TENM3: variants seen among roughly 807,000 people sequenced by gnomAD.
TENM3 encodes teneurin-3.
In TENM3, 63 loss-of-function variants were observed where a neutral mutation model predicts 255.1. The ratio of observed to expected loss-of-function variants is 0.25; its 90% CI spans 0.20 to 0.30. TENM3 has a LOEUF of 0.30. Ranked by LOEUF, TENM3 falls within the 10% of genes least tolerant of loss-of-function variation. The pLI is 1.00. For missense variants in TENM3, 2,929 were observed against 3,461.1 expected, an observed-to-expected ratio of 0.85 and a Z score of 3.86; for synonymous variants, 1,306 against 1,322.3, an observed-to-expected ratio of 0.99 and a Z score of 0.27.
At chr4:181,766,074 G>A in the TENM3 span, among the ~76,000 whole-genome samples, 5 of 152,246 alleles carry the variant, frequency 3.3e-5, no homozygotes, top group Admixed American at 6.5e-5. Context: ...CGTGTGAACT[G>A]AGGCTCTGAA....
the TENM3 span, among the ~76,000 whole-genome samples, chr4:181,485,899 C>A: frequency 1.3e-5 from 2 of 151,954 alleles, no homozygotes. Context: ...ATGTTAAATG[C>A]AAAGATTTCT....
At chr4:182,126,501 T>C in the TENM3 span, among the ~76,000 whole-genome samples, 1 of 152,284 alleles carries the variant, frequency 6.6e-6, no homozygotes, top group African/African-American at 2.4e-5. Flanking sequence ...TTTAGACAGT[T>C]GGATTCAGAT....
At chr4:182,395,687 G>A (rs1768758496) in intron 3 of TENM3, among the ~76,000 whole-genome samples, 1 of 152,122 alleles carries the variant, frequency 6.6e-6, no homozygotes. Context: ...AAAATAAAAT[G>A]TTTTATTTAT....
intron 3 of TENM3, among the ~76,000 whole-genome samples, chr4:182,364,200 T>A (rs1766236297): frequency 6.6e-6 from 1 of 152,032 alleles, no homozygotes; most frequent in Non-Finnish European, 1.5e-5. Flanking sequence ...TGAGATCAAA[T>A]GAACTTAAGA....
the TENM3 span, among the ~76,000 whole-genome samples, chr4:181,570,380 C>T: frequency 1.3e-5 from 2 of 151,878 alleles, no homozygotes; most frequent in South Asian, 2.1e-4. Flanking sequence ...GCATGCTTGT[C>T]GTTCCAGCTG....
In TENM3 at chr4:182,673,247, A is replaced by G. The variant is rs185033209; in HGVS notation, c.1326+28A>G. 1,125 of 1,472,714 alleles carry G rather than the reference A, an allele frequency of 7.6e-4. 5 individuals are homozygous for G. The African/African-American group carries it at 0.014, about 18-fold the overall frequency. The allele number at this position is 1,472,714 out of a possible 1,614,324, so 91.2% of individuals were successfully genotyped here. On this transcript the variant is annotated intron_variant, in intron 7 of 27. Transcript: ENST00000511685. ...AAGACTAGGCTTTCTTATCAATAAA[A>G]TAAAAACTGCCAGTTGCATTTTTTG...
chr4:182,372,929 G>A (rs548320542), intron 3 of TENM3, among the ~76,000 whole-genome samples: 1 of 151,922 alleles, frequency 6.6e-6, no homozygotes, highest in Non-Finnish European at 1.5e-5. Context: ...GGGTAGAGAT[G>A]AGGTTTCACC....
chr4:181,770,016 T>C, the TENM3 span, among the ~76,000 whole-genome samples: 2 of 152,130 alleles, frequency 1.3e-5, no homozygotes, highest in African/African-American at 4.8e-5. Flanking sequence ...ATGAGACACA[T>C]TGGAACCCTT....
chr4:182,525,802 CAAGATTTCCA>C (rs1490735465), intron 3 of TENM3, among the ~76,000 whole-genome samples: 1 of 152,058 alleles, frequency 6.6e-6, no homozygotes, highest in Admixed American at 6.6e-5. Context: ...ATGAAGCCAG[CAAGATTTCCA>C]AATAAAGGAA....
At chr4:182,717,936 T>C (rs1759338265) in intron 13 of TENM3, among the ~76,000 whole-genome samples, 1 of 152,166 alleles carries the variant, frequency 6.6e-6, no homozygotes, top group Admixed American at 6.5e-5. Context: ...CTGAAGGAAG[T>C]GCGATCTGGA....
chr4:182,191,185 G>A (rs536129374), intron 1 of TENM3, among the ~76,000 whole-genome samples: 1 of 152,308 alleles, frequency 6.6e-6, no homozygotes, highest in South Asian at 2.1e-4. Context: ...AGAAGAGCTT[G>A]CATTTTGGGG....
At chr4:182,255,114 G>A (rs1758302112) in intron 1 of TENM3, among the ~76,000 whole-genome samples, 1 of 152,142 alleles carries the variant, frequency 6.6e-6, no homozygotes. Flanking sequence ...AGTTGTATAT[G>A]ATTTAAATTT....
chr4:182,752,832 C>T (rs1208458317), intron 20 of TENM3, among the ~76,000 whole-genome samples: 3 of 152,036 alleles, frequency 2.0e-5, no homozygotes, highest in Non-Finnish European at 4.4e-5. Flanking sequence ...AATTTATAGA[C>T]CACAACATTA....
chr4:182,247,522 C>T (rs553806387), intron 1 of TENM3, among the ~76,000 whole-genome samples: 167 of 152,130 alleles, frequency 1.1e-3, no homozygotes, highest in Non-Finnish European at 1.8e-3. Context: ...CACAAAGCTG[C>T]GCTGTTAGTT....
chr4:181,811,458 T>C, the TENM3 span, among the ~76,000 whole-genome samples: 1 of 152,242 alleles, frequency 6.6e-6, no homozygotes, highest in East Asian at 1.9e-4. Flanking sequence ...ACAAGAGTTC[T>C]GAAAGCACTT....
chr4:182,287,580 T>C (rs948295521), intron 1 of TENM3, among the ~76,000 whole-genome samples: 6 of 152,170 alleles, frequency 3.9e-5, no homozygotes, highest in Non-Finnish European at 5.9e-5. Flanking sequence ...TATTTCCTAG[T>C]ACACTTTTCT....
At chr4:181,720,254 T>A in the TENM3 span, among the ~76,000 whole-genome samples, 2 of 152,226 alleles carry the variant, frequency 1.3e-5, no homozygotes, top group Non-Finnish European at 2.9e-5. Flanking sequence ...AGACTAAGAA[T>A]AAACACAGAG....
the TENM3 span, among the ~76,000 whole-genome samples, chr4:181,498,369 A>T: frequency 9.1e-3 from 1,386 of 152,300 alleles, 16 homozygotes; most frequent in South Asian, 0.033. Context: ...AAAATCCCTC[A>T]GAACCCTGGT....
At chr4:182,323,705 A>G (rs1473280822) in intron 1 of TENM3, among the ~76,000 whole-genome samples, 1 of 152,132 alleles carries the variant, frequency 6.6e-6, no homozygotes, top group East Asian at 1.9e-4. Context: ...ATTAATGGGG[A>G]AAATCAGATA....
Sources: allele counts gnomAD v4.1 joint callset (sites outside exome capture counted in the v4.1 genomes callset), GRCh38; gene constraint gnomAD v4.1.1; transcripts MANE v1.5; gene names NCBI Gene and HGNC (gene_info 2026-07-23, HGNC 2026-07-21).